Variants in ERN1 observed in about 807,000 individuals in gnomAD.
ERN1 encodes the protein endoplasmic reticulum to nucleus signaling 1.
Under a neutral mutation model 113.1 loss-of-function variants are expected in ERN1, and 39 were observed. The observed-to-expected ratio is 0.34, with a 90% CI of 0.27 to 0.45. The LOEUF is 0.45. ERN1 is among the 20% of genes least tolerant of loss of function. ERN1 has a pLI of 1.00. For missense variants in ERN1, 976 were observed against 1,274.8 expected (o/e 0.77, Z 3.57); for synonymous variants, 507 against 515.9 (o/e 0.98, Z 0.23).
intron 1 of ERN1, among the ~76,000 whole-genome samples, chr17:64,103,903 C>G (rs868062071): frequency 6.6e-6 from 1 of 152,074 alleles, no homozygotes; most frequent in African/African-American, 2.4e-5. Flanking sequence ...ACTGGTCAGG[C>G]AGGGAGGCAA....
intron 11 of ERN1, among the ~76,000 whole-genome samples, chr17:64,058,557 C>T (rs927072086): frequency 3.9e-5 from 6 of 152,064 alleles, no homozygotes; most frequent in South Asian, 2.1e-4. Context: ...GCATCAGAAG[C>T]GTTTGTTAAA....
At chr17:64,089,268 G>A (rs1914020866) in intron 2 of ERN1, among the ~76,000 whole-genome samples, 2 of 136,314 alleles carry the variant, frequency 1.5e-5, no homozygotes, top group African/African-American at 5.6e-5. Flanking sequence ...GCAGTGAGCC[G>A]AGATCGTGCC....
intron 11 of ERN1, among the ~76,000 whole-genome samples, chr17:64,058,312 G>C (rs1396638023): frequency 6.6e-6 from 1 of 152,138 alleles, no homozygotes; most frequent in African/African-American, 2.4e-5. Flanking sequence ...TTCCTCCTTT[G>C]ATGGTAGGTT....
At position 64,098,529 on chromosome 17, in the gene ERN1, A is replaced by T. The variant is rs754515514; in HGVS notation, c.55-288T>A. ...AACCTCCACTGAAACAGAGGGGCAA[A>T]GTATGCTCAGCTTTCTGACTTCCTT... On this transcript the variant is annotated intron_variant, in intron 1 of 21. Transcript: ENST00000433197. 3.7e-5 allele frequency: 23 copies of T among 615,876 alleles called. No homozygotes were observed. In the East Asian group the frequency reaches 8.3e-4, roughly 22 times the overall value. 38.2% of individuals were successfully genotyped at this position (615,876 alleles called of 1,614,324 possible).
intron 6 of ERN1, among the ~76,000 whole-genome samples, 178 bp downstream of exon 6, chr17:64,071,800 TTTG>T (rs1913427831): frequency 6.6e-6 from 1 of 151,958 alleles, no homozygotes; most frequent in Non-Finnish European, 1.5e-5. Context: ...CGTGGTGCAG[TTTG>T]GACTGTATCC....
intron 1 of ERN1, among the ~76,000 whole-genome samples, chr17:64,127,439 T>C (rs1915108881): frequency 6.6e-6 from 1 of 152,172 alleles, no homozygotes; most frequent in Non-Finnish European, 1.5e-5. Context: ...CCATTTCACC[T>C]ATCAGGAAGG....
chr17:64,085,805 C>T (rs1913906440), intron 2 of ERN1, among the ~76,000 whole-genome samples: 1 of 152,156 alleles, frequency 6.6e-6, no homozygotes, highest in South Asian at 2.1e-4. Context: ...GCCAGCTAGG[C>T]CCCTGCCACT....
intron 1 of ERN1, among the ~76,000 whole-genome samples, chr17:64,117,368 G>A (rs1288344052): frequency 4.6e-5 from 7 of 151,950 alleles, no homozygotes; most frequent in South Asian, 2.1e-4. Context: ...ACTTGAACCC[G>A]GGAGGCGGAG....
chr17:64,125,671 T>C (rs1567891054), intron 1 of ERN1, among the ~76,000 whole-genome samples: 1 of 152,192 alleles, frequency 6.6e-6, no homozygotes, highest in Non-Finnish European at 1.5e-5. Flanking sequence ...GTATTTTTAG[T>C]ACAGACGGAG....
At chr17:64,061,931 G>C (rs1913067966) in intron 10 of ERN1, among the ~76,000 whole-genome samples, 1 of 152,354 alleles carries the variant, frequency 6.6e-6, no homozygotes, top group Middle Eastern at 3.4e-3. Context: ...GCTATGGAAG[G>C]CATTAGCCTG....
At chr17:64,068,341 C>T (rs768790998) in intron 6 of ERN1, 50 bp from the exon 7 acceptor site, 4 of 1,286,566 alleles carry the variant, frequency 3.1e-6, no homozygotes, top group East Asian at 2.4e-5. Context: ...GCCATAGTAC[C>T]TACTGAGGTG....
intron 2 of ERN1, among the ~76,000 whole-genome samples, chr17:64,087,309 C>T (rs962981901): frequency 1.3e-5 from 2 of 152,158 alleles, no homozygotes; most frequent in African/African-American, 4.8e-5. Context: ...TGATCAAAAC[C>T]AACACTTGCA....
At chr17:64,048,337 T>C (rs1034926392) in intron 18 of ERN1, among the ~76,000 whole-genome samples, 1 of 152,170 alleles carries the variant, frequency 6.6e-6, no homozygotes, top group African/African-American at 2.4e-5. Flanking sequence ...CAAAACAGTA[T>C]GCAGGATTTA....
chr17:64,045,504 C>T (rs1912485656), intron 19 of ERN1, 22 bp from the exon 20 acceptor site: 1 of 1,613,628 alleles, frequency 6.2e-7, no homozygotes, highest in Non-Finnish European at 8.5e-7. Context: ...ACAAGGGCAG[C>T]AGATGATGGT....
chr17:64,113,882 C>T (rs1417601852), intron 1 of ERN1, among the ~76,000 whole-genome samples: 1 of 152,040 alleles, frequency 6.6e-6, no homozygotes, highest in Non-Finnish European at 1.5e-5. Flanking sequence ...GGGGGTTTCA[C>T]CATCTTGGCC....
At chr17:64,065,414 G>A (rs541663681) in intron 8 of ERN1, 127 bp from the exon 9 acceptor site, 132 of 644,334 alleles carry the variant, frequency 2.0e-4, no homozygotes, top group Non-Finnish European at 3.1e-4. Flanking sequence ...ATGGAGGAAC[G>A]CAGTAGGGGT....
chr17:64,121,105 A>G (rs1266165493), intron 1 of ERN1, among the ~76,000 whole-genome samples: 1 of 152,072 alleles, frequency 6.6e-6, no homozygotes, highest in East Asian at 1.9e-4. Context: ...TCCTTCCCTC[A>G]TTAGTCTCCT....
At chr17:64,056,099 G>A (rs1912860205) in intron 12 of ERN1, among the ~76,000 whole-genome samples, 151 bp from the exon 13 acceptor site, 1 of 152,336 alleles carries the variant, frequency 6.6e-6, no homozygotes, top group South Asian at 2.1e-4. Flanking sequence ...GCACCTGGAA[G>A]CAGAATTGCT....
intron 1 of ERN1, among the ~76,000 whole-genome samples, chr17:64,124,912 T>C (rs1455441462): frequency 6.6e-6 from 1 of 152,118 alleles, no homozygotes; most frequent in Non-Finnish European, 1.5e-5. Context: ...ATATAAGAGG[T>C]CCAGAATAGG....
Sources: gnomAD v4.1 joint callset for allele counts (sites outside exome capture counted in the v4.1 genomes callset) on GRCh38, gnomAD v4.1.1 for gene constraint, MANE v1.5 for transcripts, NCBI Gene and HGNC (gene_info 2026-07-23, HGNC 2026-07-21) for gene names.